Variants in DAB1 observed in about 807,000 individuals in gnomAD.
DAB1 encodes disabled homolog 1.
DAB1 carries 15 observed loss-of-function variants against 64.6 expected under a neutral mutation model. That is an observed-to-expected ratio of 0.23 (90% CI 0.16 to 0.36). The LOEUF is 0.36. Ranked by LOEUF, DAB1 falls within the 10% of genes least tolerant of loss-of-function variation. The pLI, the probability that DAB1 is intolerant of heterozygous loss-of-function variation, is 1.00. For missense variants in DAB1, 596 were observed against 706.7 expected, an observed-to-expected ratio of 0.84 and a Z score of 1.78; for synonymous variants, 235 against 251.9, an observed-to-expected ratio of 0.93 and a Z score of 0.64.
At chr1:57,933,911 T>C (rs966818449) in intron 5 of DAB1, among the ~76,000 whole-genome samples, 2 of 151,988 alleles carry the variant, frequency 1.3e-5, no homozygotes, top group African/African-American at 4.8e-5. Context: ...CTTTTTTTTT[T>C]TTGAGACCGA....
Position 58,385,367 on chromosome 1 carries a change from A to G in DAB1, n.258-41964T>C, listed in dbSNP as rs567970405. Among the ~76,000 whole-genome samples, 6 of 152,288 alleles carry G rather than the reference A, an allele frequency of 3.9e-5. No individual in the cohort carries two copies. In the South Asian group the frequency reaches 1.2e-3, roughly 32 times the overall value. ...TACCCTGTCTTACTCTTGCATGTGT[A>G]TGCTTCCTCACTAGACCCCTGCTGA... On this transcript the variant is annotated intron_variant and non_coding_transcript_variant, in intron 3 of 20. Coordinates refer to the DAB1 transcript ENST00000485760.
intron 2 of DAB1, among the ~76,000 whole-genome samples, chr1:57,220,933 A>G (rs1666817076): frequency 6.6e-6 from 1 of 152,210 alleles, no homozygotes; most frequent in Admixed American, 6.5e-5. Flanking sequence ...TGCTGCTATA[A>G]AGACACATGC....
intron 2 of DAB1, among the ~76,000 whole-genome samples, chr1:57,167,329 A>G (rs1024019595): frequency 5.9e-5 from 9 of 152,070 alleles, no homozygotes; most frequent in Non-Finnish European, 8.8e-5. Flanking sequence ...TCTTTCTTCC[A>G]TCTCACTCTT....
At chr1:58,184,785 T>G (rs898877283) in intron 4 of DAB1, among the ~76,000 whole-genome samples, 2 of 152,222 alleles carry the variant, frequency 1.3e-5, no homozygotes, top group Non-Finnish European at 2.9e-5. Flanking sequence ...AGTTGTTATT[T>G]GTTATGTATA....
intron 7 of DAB1, among the ~76,000 whole-genome samples, chr1:57,526,747 T>C (rs1474646267): frequency 3.3e-5 from 5 of 152,192 alleles, no homozygotes; most frequent in African/African-American, 1.2e-4. Flanking sequence ...GTTCAGACAT[T>C]TGCCTAACTA....
intron 2 of DAB1, among the ~76,000 whole-genome samples, chr1:57,281,435 A>G (rs1166507010): frequency 6.6e-6 from 1 of 152,234 alleles, no homozygotes; most frequent in Non-Finnish European, 1.5e-5. Context: ...AAACATGTAC[A>G]AAACCCCACG....
intron 4 of DAB1, among the ~76,000 whole-genome samples, chr1:58,288,203 A>G (rs1176154483): frequency 2.0e-5 from 3 of 152,128 alleles, no homozygotes; most frequent in Non-Finnish European, 2.9e-5. Flanking sequence ...TATGGGATGG[A>G]GATTATGTCT....
intron 5 of DAB1, among the ~76,000 whole-genome samples, chr1:58,030,483 A>T (rs980563051): frequency 6.6e-6 from 1 of 152,232 alleles, no homozygotes; most frequent in Non-Finnish European, 1.5e-5. Context: ...TGATGAACAG[A>T]GCCACAGATT....
At chr1:58,333,871 A>G (rs896655169) in intron 4 of DAB1, among the ~76,000 whole-genome samples, 11 of 152,244 alleles carry the variant, frequency 7.2e-5, no homozygotes, top group Non-Finnish European at 1.3e-4. Flanking sequence ...ACAAGTGAAG[A>G]CAACCTCTAA....
intron 3 of DAB1, among the ~76,000 whole-genome samples, chr1:58,504,454 G>A (rs1382630408): frequency 1.3e-5 from 2 of 152,044 alleles, no homozygotes; most frequent in Admixed American, 1.3e-4. Flanking sequence ...CTTGACAACC[G>A]AACATAGACT....
intron 1 of DAB1, among the ~76,000 whole-genome samples, chr1:57,404,711 G>GCT: frequency 6.6e-6 from 1 of 152,288 alleles, no homozygotes. Context: ...ACAGGAGACT[G>GCT]CTATATGCAA....
intron 5 of DAB1, among the ~76,000 whole-genome samples, chr1:58,129,893 G>T (rs1219858908): frequency 2.6e-4 from 38 of 147,608 alleles, no homozygotes; most frequent in East Asian, 8.1e-4. Context: ...GGTCAATTTT[G>T]GAATAGGTGT....
intron 1 of DAB1, among the ~76,000 whole-genome samples, chr1:57,390,469 C>G (rs1437149208): frequency 6.6e-6 from 1 of 152,182 alleles, no homozygotes; most frequent in Admixed American, 6.5e-5. Flanking sequence ...GATTGTACTC[C>G]TGACCTGAAA....
chr1:58,315,854 T>C (rs1262244731), intron 4 of DAB1, among the ~76,000 whole-genome samples: 2 of 152,218 alleles, frequency 1.3e-5, no homozygotes, highest in Non-Finnish European at 2.9e-5. Context: ...AGATTCTGAC[T>C]TTTTCTTTAA....
At chr1:58,469,222 G>T (rs1276606365) in intron 3 of DAB1, among the ~76,000 whole-genome samples, 4 of 152,168 alleles carry the variant, frequency 2.6e-5, no homozygotes, top group African/African-American at 9.7e-5. Flanking sequence ...ACACAGACCT[G>T]CATTTTATTC....
At chr1:57,729,898 A>C (rs1647336859) in intron 6 of DAB1, among the ~76,000 whole-genome samples, 1 of 120,590 alleles carries the variant, frequency 8.3e-6, no homozygotes, top group Admixed American at 8.1e-5. Context: ...CCATCTCTAA[A>C]ATAAAATAAA....
intron 6 of DAB1, among the ~76,000 whole-genome samples, chr1:57,780,991 G>A (rs1650041434): frequency 3.3e-5 from 5 of 151,052 alleles, no homozygotes; most frequent in Non-Finnish European, 1.5e-5. Context: ...GCCTCCCAAA[G>A]TGCTGGGATT....
intron 1 of DAB1, among the ~76,000 whole-genome samples, chr1:57,310,609 G>A (rs939397596): frequency 2.6e-5 from 4 of 152,068 alleles, no homozygotes; most frequent in Non-Finnish European, 4.4e-5. Context: ...AGCAACTCTG[G>A]AAAGGAAAAC....
intron 6 of DAB1, among the ~76,000 whole-genome samples, chr1:57,666,228 C>A (rs1646445937): frequency 1.3e-5 from 2 of 152,032 alleles, no homozygotes; most frequent in African/African-American, 4.8e-5. Context: ...AATGATATTT[C>A]TTTATCTTTT....
Sources: gnomAD v4.1 joint callset for allele counts (sites outside exome capture counted in the v4.1 genomes callset) on GRCh38, gnomAD v4.1.1 for gene constraint, MANE v1.5 for transcripts, NCBI Gene and HGNC (gene_info 2026-07-23, HGNC 2026-07-21) for gene names.